KIF17: variants seen among roughly 807,000 people sequenced by gnomAD.
The protein encoded by KIF17 is kinesin-like protein KIF17.
KIF17 carries 80 observed loss-of-function variants against 96.8 expected under a neutral mutation model. The ratio of observed to expected loss-of-function variants is 0.83; its 90% CI spans 0.69 to 1.00. KIF17 has a LOEUF of 1.00. KIF17 is among the 50% of genes least tolerant of loss of function. The pLI is 0.00. For synonymous variants in KIF17, 567 were observed against 587.5 expected (o/e 0.97, Z 0.51); for missense variants, 1,280 against 1,372.9 (o/e 0.93, Z 1.07).
intron 13 of KIF17, among the ~76,000 whole-genome samples, chr1:20,668,171 A>G (rs527893047): frequency 7.5e-4 from 114 of 151,046 alleles, no homozygotes; most frequent in Middle Eastern, 7.1e-3. Flanking sequence ...TTAGCCGGGC[A>G]TGGTGGCAGG....
At chr1:20,695,235 T>C (rs2054115540) in intron 6 of KIF17, among the ~76,000 whole-genome samples, 1 of 152,192 alleles carries the variant, frequency 6.6e-6, no homozygotes, top group Non-Finnish European at 1.5e-5. Context: ...TCGCCCAGGC[T>C]GGAGTGCAGT....
At chr1:20,701,236 C>T (rs928596989) in intron 5 of KIF17, among the ~76,000 whole-genome samples, 1 of 152,116 alleles carries the variant, frequency 6.6e-6, no homozygotes, top group African/African-American at 2.4e-5. Context: ...TTGAGACCAT[C>T]CTGGCTAACA....
intron 11 of KIF17, among the ~76,000 whole-genome samples, chr1:20,675,318 G>A (rs1444394871): frequency 7.1e-6 from 1 of 140,852 alleles, no homozygotes. Flanking sequence ...CATCTTGGTG[G>A]GTGCCTGTAG....
chr1:20,662,953 C>T (rs1199739993), downstream of KIF17, among the ~76,000 whole-genome samples: 1 of 152,182 alleles, frequency 6.6e-6, no homozygotes, highest in African/African-American at 2.4e-5. Flanking sequence ...ATCGACCAGG[C>T]GCGGTGGCTC....
chr1:20,713,703 G>A (rs1233422734), intron 2 of KIF17, 148 bp from the exon 3 acceptor site: 13 of 689,632 alleles, frequency 1.9e-5, no homozygotes, highest in East Asian at 8.2e-5. Context: ...AACCCAACCC[G>A]CCCTGCTGGC....
chr1:20,711,358 C>G (rs1306948509), intron 3 of KIF17, among the ~76,000 whole-genome samples: 2 of 152,124 alleles, frequency 1.3e-5, no homozygotes, highest in Non-Finnish European at 2.9e-5. Flanking sequence ...AGGGGTCCCC[C>G]TCCACCGCGC....
chr1:20,687,522 G>A lies in KIF17; in HGVS notation c.1804C>T (p.Gln602Ter). 6.2e-7 allele frequency: 1 copy of A among 1,613,308 alleles called. No homozygotes were observed. The highest frequency in any genetic ancestry group is 1.1e-5 in the South Asian group (1 of 91,070). The change falls in exon 8 of 15, where the codon CAG becomes TAG. Residue 602 changes from glutamine to a stop codon, truncating the protein, a stop_gained. Transcript: ENST00000400463. LOFTEE classifies it high-confidence loss of function. This position sits in a 1 kb window ranked among gnomAD's most constrained non-coding sequence, Gnocchi z 4.4. ...EQNYLPQEEP[Q>*]EVPLQGLLGL... is the part of the protein sequence containing the mutation. ...AGTAACCCCTGCAGGGGCACCTCCT[G>A]CGGCTCCTCTTGCGGGAGGTAGTTC...
chr1:20,673,274 A>C (rs1435653801), intron 11 of KIF17, among the ~76,000 whole-genome samples: 1 of 152,176 alleles, frequency 6.6e-6, no homozygotes, highest in Non-Finnish European at 1.5e-5. Flanking sequence ...GAATTCATGC[A>C]CTGATACCCA....
At chr1:20,708,124 G>A (rs1250020415) in intron 4 of KIF17, among the ~76,000 whole-genome samples, 3 of 151,950 alleles carry the variant, frequency 2.0e-5, no homozygotes, top group Non-Finnish European at 4.4e-5. Context: ...CCTCCCTCCT[G>A]ATCTGTCCTC....
intron 11 of KIF17, among the ~76,000 whole-genome samples, chr1:20,674,889 C>T (rs763282914): frequency 6.6e-6 from 1 of 152,126 alleles, no homozygotes; most frequent in Non-Finnish European, 1.5e-5. Flanking sequence ...GTGTCTCACT[C>T]CTGTAATCCC....
At chr1:20,694,226 T>A (rs1337514179) in intron 6 of KIF17, among the ~76,000 whole-genome samples, 3 of 151,882 alleles carry the variant, frequency 2.0e-5, no homozygotes, top group Non-Finnish European at 4.4e-5. Flanking sequence ...GCCTCCTGAG[T>A]AGCTGGGACT....
Position 20,686,038 on chromosome 1 carries a change from G to A in KIF17, c.2019+8C>T, listed in dbSNP as rs1450479955. Reference sequence around the variant, plus strand: ...GTCCCCCACATGGAGGCCCGGGGAGGTACTCACAGGCCTGGGCGGGAAGTC... The same window carrying A: ...GTCCCCCACATGGAGGCCCGGGGAGATACTCACAGGCCTGGGCGGGAAGTC... On this transcript the variant is annotated splice_region_variant and intron_variant, in intron 9 of 14. Coordinates refer to ENST00000400463, the MANE Select transcript of KIF17 (RefSeq NM_001122819.3). 6 of 1,552,014 alleles carry A rather than the reference G, an allele frequency of 3.9e-6. No homozygotes were observed. The highest frequency in any genetic ancestry group is 2.6e-6 in the Non-Finnish European group (3 of 1,146,604).
At chr1:20,707,012 C>G (rs528003740) in intron 4 of KIF17, among the ~76,000 whole-genome samples, 1 of 151,844 alleles carries the variant, frequency 6.6e-6, no homozygotes, top group African/African-American at 2.4e-5. Context: ...GGGAGGGATG[C>G]TTGAGCCCAG....
intron 6 of KIF17, among the ~76,000 whole-genome samples, chr1:20,695,556 G>A (rs907140803): frequency 6.6e-6 from 1 of 152,078 alleles, no homozygotes; most frequent in Non-Finnish European, 1.5e-5. Context: ...TGAGCCCACA[G>A]CCCCAGTCCT....
chr1:20,715,702 G>C (rs2054566474), intron 1 of KIF17, 63 bp from the exon 2 acceptor site: 2 of 1,602,962 alleles, frequency 1.2e-6, no homozygotes, highest in Middle Eastern at 1.7e-4. Flanking sequence ...CTCGGGACAG[G>C]GCTCCCTAAC....
intron 11 of KIF17, among the ~76,000 whole-genome samples, chr1:20,674,507 C>A (rs528003568): frequency 1.3e-5 from 2 of 151,806 alleles, no homozygotes; most frequent in South Asian, 4.2e-4. Flanking sequence ...TCAAGCGATC[C>A]TCCCACTTCG....
chr1:20,703,651 G>T (rs964528641), intron 5 of KIF17, among the ~76,000 whole-genome samples: 1 of 152,138 alleles, frequency 6.6e-6, no homozygotes, highest in South Asian at 2.1e-4. Flanking sequence ...TAAGTGGGAG[G>T]ATGGACAGAT....
intron 3 of KIF17, among the ~76,000 whole-genome samples, chr1:20,710,100 A>G (rs1161108095): frequency 1.1e-5 from 1 of 88,464 alleles, no homozygotes; most frequent in Non-Finnish European, 2.1e-5. Flanking sequence ...TGAGACAGCT[A>G]TCTCATAGGA....
At chr1:20,694,786 G>A (rs1259949093) in intron 6 of KIF17, among the ~76,000 whole-genome samples, 1 of 152,102 alleles carries the variant, frequency 6.6e-6, no homozygotes, top group East Asian at 1.9e-4. Flanking sequence ...GAGGTTCCAT[G>A]ACCAGGCAGC....
Sources: gnomAD v4.1 joint callset for allele counts (sites outside exome capture counted in the v4.1 genomes callset) on GRCh38, gnomAD v4.1.1 for gene constraint, Gnocchi (gnomAD v3.1) non-coding constraint, MANE v1.5 for transcripts, NCBI Gene and HGNC (gene_info 2026-07-23, HGNC 2026-07-21) for gene names.